FADS2: variants seen among roughly 807,000 people sequenced by gnomAD.
The protein encoded by FADS2 is fatty acid desaturase 2, also known as acyl-CoA 6-desaturase.
A neutral mutation model predicts 61.2 loss-of-function variants in FADS2; 18 were observed. The observed-to-expected ratio is 0.29, with a 90% CI of 0.20 to 0.44. The LOEUF (loss-of-function observed/expected upper bound fraction) is 0.44, where lower values mean the gene tolerates loss of function less well. Ranked by LOEUF, FADS2 falls within the 20% of genes least tolerant of loss-of-function variation. The pLI is 1.00. For synonymous variants in FADS2, 203 were observed against 223.9 expected, an observed-to-expected ratio of 0.91 and a Z score of 0.83; for missense variants, 322 against 572.7, an observed-to-expected ratio of 0.56 and a Z score of 4.47.
chr11:61,848,953 T>C (rs2067283990), intron 5 of FADS2: 1 of 152,292 alleles, frequency 6.6e-6, no homozygotes, highest in Non-Finnish European at 1.5e-5. Context: ...AGAGCTGGAG[T>C]GCAGTGGCAC....
upstream of FADS2, chr11:61,826,510 T>G: frequency 1.6e-6 from 1 of 608,830 alleles, no homozygotes; most frequent in Admixed American, 2.9e-5. Context: ...TATGGTATGT[T>G]AATCCATTTC....
At chr11:61,860,849 A>C (rs2067407726) in intron 7 of FADS2, among the ~76,000 whole-genome samples, 1 of 152,168 alleles carries the variant, frequency 6.6e-6, no homozygotes, top group South Asian at 2.1e-4. Flanking sequence ...TTGAGGCTGC[A>C]GTGAGCTGTG....
chr11:61,847,714 G>A (rs1390462332), intron 4 of FADS2: 1 of 188,852 alleles, frequency 5.3e-6, no homozygotes, highest in Non-Finnish European at 1.1e-5. Context: ...TTGGTGTGTG[G>A]ACATGTTTTC....
intron 4 of FADS2, among the ~76,000 whole-genome samples, chr11:61,843,958 G>T (rs1021020995): frequency 6.6e-6 from 1 of 151,932 alleles, no homozygotes. Context: ...ACCACGCCCG[G>T]CCTGCAATAT....
chr11:61,822,751 G>T (rs376210521), intron 1 of FADS2, among the ~76,000 whole-genome samples: 78 of 152,256 alleles, frequency 5.1e-4, no homozygotes, highest in South Asian at 3.3e-3. Flanking sequence ...TTTATAATGA[G>T]AATATTTACT....
Position 61,816,941 on chromosome 11 carries a change from C to A in FADS2, c.141+515C>A, listed in dbSNP as rs1164598875. ...GCGCGCGTTCCCATTGGCCGAGCCT[C>A]GTGGCGCGGGGAGCGAGATCCCGTC... On this transcript the variant is annotated intron_variant, in intron 1 of 11. Transcript: ENST00000257261. The surrounding 1 kb of genome is among the most constrained non-coding windows in gnomAD (Gnocchi z 7.0). The A allele has an allele frequency of 3.6e-6, 5 of 1,378,452 alleles. 1 individual carries two copies. In the African/African-American group the frequency reaches 6.1e-5, roughly 17 times the overall value. The allele number at this position is 1,378,452 out of a possible 1,614,324, so 85.4% of individuals were successfully genotyped here.
chr11:61,835,622 T>G (rs1238934959), intron 1 of FADS2, among the ~76,000 whole-genome samples: 2 of 151,362 alleles, frequency 1.3e-5, no homozygotes, highest in Admixed American at 6.6e-5. Context: ...GCCAGTCTGA[T>G]CTCAAACTTC....
intron 5 of FADS2, chr11:61,855,255 G>T: frequency 6.6e-6 from 1 of 152,512 alleles, no homozygotes. Flanking sequence ...GAGATGCGGT[G>T]GGGAGGAGCT....
In FADS2 at chr11:61,865,103, G is replaced by T. The variant is rs773951773; in HGVS notation, c.1158-49G>T. 5.1e-6 allele frequency: 8 copies of T among 1,583,454 alleles called. No homozygotes were observed. The highest frequency in any genetic ancestry group is 4.3e-6 in the Non-Finnish European group (5 of 1,161,122). ...CAGGTGGTGGGAGGAAGCGGGAGCA[G>T]CATGGCCCTCTGAGTCCTCACGCTC... is the stretch of plus-strand genomic sequence containing the variant. On this transcript the variant is annotated intron_variant, in intron 10 of 11. Transcript: ENST00000278840. This position sits in a 1 kb window ranked among gnomAD's most constrained non-coding sequence, Gnocchi z 4.1.
intron 1 of FADS2, among the ~76,000 whole-genome samples, chr11:61,834,014 G>A (rs1440836639): frequency 1.3e-5 from 2 of 152,238 alleles, no homozygotes; most frequent in Non-Finnish European, 2.9e-5. Flanking sequence ...GGTACGTCAC[G>A]CAGTCTGATG....
In FADS2 at chr11:61,816,431, G is replaced by A. The variant is rs769707282; in HGVS notation, c.141+5G>A. 4 of 1,598,884 alleles carry A rather than the reference G, an allele frequency of 2.5e-6. No homozygotes were observed. Among genetic ancestry groups the A allele is most frequent in the Non-Finnish European group, 3.4e-6 (4 of 1,179,806 alleles). Reference sequence around the variant, plus strand: ...CACCCAATCACCGGGCAACAGGTATGATCAGGCGCCTCCGGGCTTTCCTCC... The same window carrying A: ...CACCCAATCACCGGGCAACAGGTATAATCAGGCGCCTCCGGGCTTTCCTCC... On this transcript the variant is annotated splice_donor_5th_base_variant and intron_variant, in intron 1 of 11. Coordinates refer to the FADS2 transcript ENST00000257261. This position sits in a 1 kb window ranked among gnomAD's most constrained non-coding sequence, Gnocchi z 7.0.
chr11:61,831,894 G>A (rs12274336), intron 1 of FADS2, among the ~76,000 whole-genome samples: 67 of 152,214 alleles, frequency 4.4e-4, no homozygotes, highest in African/African-American at 1.4e-3. Flanking sequence ...ACCCTCACCC[G>A]CGCCCTAAGA....
Position 61,816,878 on chromosome 11 carries a change from G to T in FADS2, c.141+452G>T. ...CCCAGAGCCAGCCGCCTGCGCGCCG[G>T]GTTTTCAGCACCGCAGGGCAGACCG... On this transcript the variant is annotated intron_variant, in intron 1 of 11. Transcript: ENST00000257261. The surrounding 1 kb of genome is among the most constrained non-coding windows in gnomAD (Gnocchi z 7.0). 1 of 1,477,408 alleles carries T rather than the reference G, an allele frequency of 6.8e-7. No individual in the cohort carries two copies. Among genetic ancestry groups the T allele is most frequent in the South Asian group, 1.3e-5 (1 of 76,962 alleles). 91.5% of individuals were successfully genotyped at this position (1,477,408 alleles called of 1,614,324 possible).
intron 1 of FADS2, 105 bp from the exon 2 acceptor site, chr11:61,837,673 T>C: frequency 1.3e-6 from 1 of 755,658 alleles, no homozygotes; most frequent in Non-Finnish European, 2.3e-6. Flanking sequence ...CCGTTTGGTG[T>C]CTGGGTGCAC....
At chr11:61,840,561 C>G (rs1204557922) in intron 3 of FADS2, 30 bp downstream of exon 3, 2 of 1,613,540 alleles carry the variant, frequency 1.2e-6, no homozygotes, top group Non-Finnish European at 1.7e-6. Context: ...CTTCCCCTAG[C>G]TGACAGAGGC....
chr11:61,846,988 C>A (rs934653037), intron 4 of FADS2: 5 of 151,216 alleles, frequency 3.3e-5, no homozygotes, highest in Admixed American at 6.6e-5. Context: ...CTTGCTCTGT[C>A]TCCCAGGCTG....
intron 5 of FADS2, 112 bp downstream of exon 5, chr11:61,848,396 C>T (rs1424031144): frequency 1.2e-5 from 18 of 1,528,288 alleles, no homozygotes; most frequent in South Asian, 2.4e-5. Flanking sequence ...TTGGCCTGGG[C>T]GAATGGCAGC....
intron 3 of FADS2, 26 bp downstream of exon 3, chr11:61,840,557 C>T: frequency 1.2e-6 from 2 of 1,613,810 alleles, no homozygotes; most frequent in Non-Finnish European, 1.7e-6. Context: ...CTCACTTCCC[C>T]TAGCTGACAG....
intron 1 of FADS2, among the ~76,000 whole-genome samples, chr11:61,837,560 C>G (rs1029446461): frequency 6.6e-6 from 1 of 152,234 alleles, no homozygotes; most frequent in Admixed American, 6.5e-5. Context: ...ATGCCTGCAC[C>G]AGCACAGAAG....
Sources: gnomAD v4.1 joint callset for allele counts (sites outside exome capture counted in the v4.1 genomes callset) on GRCh38, gnomAD v4.1.1 for gene constraint, Gnocchi (gnomAD v3.1) non-coding constraint, MANE v1.5 for transcripts, NCBI Gene and HGNC (gene_info 2026-07-23, HGNC 2026-07-21) for gene names.